TASP1: variants seen among roughly 807,000 people sequenced by gnomAD.
TASP1 encodes the protein threonine aspartase 1.
Under a neutral mutation model 56.6 loss-of-function variants are expected in TASP1, and 16 were observed. That is an observed-to-expected ratio of 0.28 (90% CI 0.19 to 0.43). TASP1 has a LOEUF of 0.43. TASP1 is among the 20% of genes least tolerant of loss of function. TASP1 has a pLI of 1.00. For synonymous variants in TASP1, 179 were observed against 184.2 expected (o/e 0.97, Z 0.23); for missense variants, 393 against 511.6 (o/e 0.77, Z 2.24).
chr20:13,629,848 T>A lies in TASP1; in HGVS notation c.145+86A>T, dbSNP rs535064743. The A allele has an allele frequency of 1.8e-5, 29 of 1,586,362 alleles. No homozygotes were observed. In the South Asian group the frequency reaches 3.2e-4, roughly 18 times the overall value. ...CTCTGGCAGTTTTGCCTCCTCCAAGTGTGAAATGTGATTCTCAGTGTACTT... is the reference window on the plus strand; with the variant it reads ...CTCTGGCAGTTTTGCCTCCTCCAAGAGTGAAATGTGATTCTCAGTGTACTT... On this transcript the variant is annotated intron_variant, in intron 2 of 13. Transcript: ENST00000337743.
intron 10 of TASP1, among the ~76,000 whole-genome samples, chr20:13,506,222 C>G (rs1482384224): frequency 7.1e-6 from 1 of 140,978 alleles, no homozygotes; most frequent in Non-Finnish European, 1.6e-5. Flanking sequence ...CTCAACAGAC[C>G]AATAAGAAGT....
At chr20:13,391,778 C>T (rs6079038) in intron 13 of TASP1, among the ~76,000 whole-genome samples, 99,878 of 150,546 alleles carry the variant, frequency 0.66, 33,284 homozygotes, top group African/African-American at 0.69. Context: ...CCATCCTGGC[C>T]AACATGGTGA....
At chr20:13,577,142 C>A (rs2046953672) in intron 6 of TASP1, among the ~76,000 whole-genome samples, 1 of 151,894 alleles carries the variant, frequency 6.6e-6, no homozygotes, top group Non-Finnish European at 1.5e-5. Flanking sequence ...GCATGGGGGA[C>A]AGTAGAAGGA....
chr20:13,174,703 A>G, the TASP1 span, among the ~76,000 whole-genome samples: 3,861 of 151,984 alleles, frequency 0.025, 66 homozygotes, highest in South Asian at 0.033. Context: ...TGTCACGAAA[A>G]AAAAAAAAAA....
chr20:13,302,657 C>T, the TASP1 span, among the ~76,000 whole-genome samples: 1 of 152,192 alleles, frequency 6.6e-6, no homozygotes, highest in African/African-American at 2.4e-5. Flanking sequence ...TCTGCAGTCT[C>T]GTTGCAGTCC....
intron 11 of TASP1, among the ~76,000 whole-genome samples, chr20:13,437,858 G>A (rs1600794745): frequency 6.6e-6 from 1 of 152,170 alleles, no homozygotes. Flanking sequence ...TGACATAAAA[G>A]AGGATACAAA....
intron 4 of TASP1, among the ~76,000 whole-genome samples, chr20:13,602,985 C>T (rs1479604113): frequency 2.0e-5 from 3 of 151,842 alleles, no homozygotes; most frequent in Non-Finnish European, 4.4e-5. Context: ...AATCCCAACA[C>T]TTTGGGAGGC....
chr20:13,311,216 T>TGATAGATAGATAGATAGATAGATAGATA, the TASP1 span, among the ~76,000 whole-genome samples: 41 of 133,278 alleles, frequency 3.1e-4, no homozygotes, highest in Admixed American at 9.2e-4. Context: ...TATAGATAGA[T>TGATAGATAGATAGATAGATAGATAGATA]GATAGATAGA....
chr20:13,270,583 AC>A, the TASP1 span: 1 of 1,613,850 alleles, frequency 6.2e-7, no homozygotes, highest in African/African-American at 1.3e-5. Context: ...GAGCATCTGG[AC>A]CACCAGGCTG....
At chr20:13,235,346 A>T in the TASP1 span, among the ~76,000 whole-genome samples, 2 of 152,234 alleles carry the variant, frequency 1.3e-5, no homozygotes, top group Non-Finnish European at 2.9e-5. Flanking sequence ...ACTAGCCAAA[A>T]AGTGGTCATG....
the TASP1 span, chr20:13,299,302 A>T: frequency 1.2e-6 from 2 of 1,613,650 alleles, no homozygotes; most frequent in Non-Finnish European, 1.7e-6. This position sits in a 1 kb window ranked among gnomAD's most constrained non-coding sequence, Gnocchi z 5.8. Flanking sequence ...TTCTCCGCGG[A>T]GCTCCACTAC....
chr20:13,392,643 C>T, intron 13 of TASP1: 1 of 416,636 alleles, frequency 2.4e-6, no homozygotes. Flanking sequence ...CAAGAGACAG[C>T]CGCATCTTCT....
At chr20:13,212,466 T>G in the TASP1 span, among the ~76,000 whole-genome samples, 1 of 152,144 alleles carries the variant, frequency 6.6e-6, no homozygotes, top group African/African-American at 2.4e-5. Context: ...TTTTCAATAT[T>G]ACCATGCCTG....
the TASP1 span, among the ~76,000 whole-genome samples, chr20:13,158,717 G>T: frequency 1.3e-5 from 2 of 152,094 alleles, no homozygotes; most frequent in African/African-American, 2.4e-5. Context: ...ATGTTGCCTC[G>T]CCCAAGCCAG....
intron 4 of TASP1, among the ~76,000 whole-genome samples, chr20:13,618,366 TCATAC>T (rs1246263913): frequency 1.3e-5 from 2 of 151,976 alleles, no homozygotes; most frequent in Non-Finnish European, 2.9e-5. Flanking sequence ...TGAGCCAAGA[TCATAC>T]CACTGCACTC....
intron 10 of TASP1, among the ~76,000 whole-genome samples, chr20:13,498,626 G>A (rs565509445): frequency 6.6e-6 from 1 of 151,836 alleles, no homozygotes; most frequent in East Asian, 1.9e-4. Context: ...TTATAGGCGT[G>A]GGCCACCATG....
intron 11 of TASP1, among the ~76,000 whole-genome samples, chr20:13,455,400 A>C (rs2043793612): frequency 6.6e-6 from 1 of 152,134 alleles, no homozygotes; most frequent in South Asian, 2.1e-4. Context: ...CATGTCTGAA[A>C]GAGATCTAGT....
intron 9 of TASP1, among the ~76,000 whole-genome samples, chr20:13,532,523 C>T (rs2045260061): frequency 6.6e-6 from 1 of 152,216 alleles, no homozygotes; most frequent in South Asian, 2.1e-4. Context: ...CTTCCACACT[C>T]TTTCCTGATT....
chr20:13,310,139 C>T, the TASP1 span, among the ~76,000 whole-genome samples: 1 of 152,228 alleles, frequency 6.6e-6, no homozygotes, highest in Non-Finnish European at 1.5e-5. Flanking sequence ...CCAAAGCAAT[C>T]TTGAGCAAAA....
Sources: allele counts gnomAD v4.1 joint callset (sites outside exome capture counted in the v4.1 genomes callset), GRCh38; gene constraint gnomAD v4.1.1; non-coding constraint Gnocchi (gnomAD v3.1); transcripts MANE v1.5; gene names NCBI Gene and HGNC (gene_info 2026-07-23, HGNC 2026-07-21).